ADGRL3: variants seen among roughly 807,000 people sequenced by gnomAD.
ADGRL3 encodes calcium-independent alpha-latrotoxin receptor 3.
Under a neutral mutation model 153.5 loss-of-function variants are expected in ADGRL3, and 62 were observed. The observed-to-expected ratio is 0.40, with a 90% CI of 0.33 to 0.50. The LOEUF is 0.50. Ranked by LOEUF, ADGRL3 falls within the 20% of genes least tolerant of loss-of-function variation. The pLI, the probability that ADGRL3 is intolerant of heterozygous loss-of-function variation, is 0.47. For missense variants in ADGRL3, 1,641 were observed against 1,859.4 expected (o/e 0.88, Z 2.16); for synonymous variants, 710 against 672.5 (o/e 1.06, Z -0.86).
intron 8 of ADGRL3, among the ~76,000 whole-genome samples, chr4:61,752,624 C>T (rs574388992): frequency 2.0e-5 from 3 of 152,094 alleles, no homozygotes; most frequent in Non-Finnish European, 4.4e-5. Flanking sequence ...AGTGGTTTCT[C>T]TTGAGGTTAT....
Position 61,903,650 on chromosome 4 carries a change from C to CAAAAAAA in ADGRL3, c.1888-5883_1888-5877dup, listed in dbSNP as rs55879235. On this transcript the variant is annotated intron_variant, in intron 11 of 26. Transcript: ENST00000683033. ...TGCTGCACTCCAGCTTGGGAAACAG[C>CAAAAAAA]AAAAAAAAAAAAAAAAAAAAAAAAA... Among the ~76,000 whole-genome samples the CAAAAAAA allele has an allele frequency of 9.1e-3, 661 of 72,354 alleles. 55 individuals carry two copies. The highest frequency in any genetic ancestry group is 0.031 in the Middle Eastern group (2 of 64). The allele number at this position is 72,354 out of a possible 152,430, so 47.5% of individuals were successfully genotyped here.
intron 3 of ADGRL3, among the ~76,000 whole-genome samples, chr4:61,502,881 A>G (rs903490498): frequency 1.3e-5 from 2 of 152,204 alleles, no homozygotes; most frequent in Admixed American, 6.5e-5. Flanking sequence ...ATTTTTAGAA[A>G]TTAATCATCC....
At chr4:61,637,237 G>T (rs1471470888) in intron 5 of ADGRL3, among the ~76,000 whole-genome samples, 1 of 152,054 alleles carries the variant, frequency 6.6e-6, no homozygotes, top group East Asian at 1.9e-4. Flanking sequence ...AATATGACTT[G>T]TGTCCTTTTA....
intron 5 of ADGRL3, among the ~76,000 whole-genome samples, chr4:61,643,024 C>T (rs2093764186): frequency 6.6e-6 from 1 of 152,022 alleles, no homozygotes; most frequent in African/African-American, 2.4e-5. Context: ...AGTTGGATTC[C>T]TAGGTATTTT....
intron 3 of ADGRL3, among the ~76,000 whole-genome samples, chr4:61,501,209 A>G (rs1241780465): frequency 1.3e-5 from 2 of 152,212 alleles, no homozygotes; most frequent in Non-Finnish European, 2.9e-5. Flanking sequence ...TGCTAGATGT[A>G]CTAAAGACAG....
At chr4:61,867,463 G>A (rs2098407491) in intron 9 of ADGRL3, among the ~76,000 whole-genome samples, 1 of 145,372 alleles carries the variant, frequency 6.9e-6, no homozygotes, top group African/African-American at 2.5e-5. Flanking sequence ...TGGTGCCGCT[G>A]CACTCCAGCC....
Position 61,447,484 on chromosome 4 carries a change from G to A in ADGRL3, c.-173-49637G>A, listed in dbSNP as rs145843574. On this transcript the variant is annotated intron_variant, in intron 2 of 26. Coordinates refer to ENST00000683033, the MANE Select transcript of ADGRL3 (RefSeq NM_001387552.1). ...GTGATTGATATGATCGAGAGTTGAC[G>A]AATTATGAAAACATGATACTTATGG... 8.4e-4 allele frequency among the ~76,000 whole-genome samples: 128 copies of A among 152,210 alleles called. 1 individual carries two copies. Among genetic ancestry groups the A allele is most frequent in the African/African-American group, 3.0e-3 (124 of 41,534 alleles).
At chr4:61,410,328 A>ATTTTATATTTG (rs2097069876) in intron 2 of ADGRL3, among the ~76,000 whole-genome samples, 2 of 152,090 alleles carry the variant, frequency 1.3e-5, no homozygotes, top group Non-Finnish European at 2.9e-5. Flanking sequence ...TAAACATTGT[A>ATTTTATATTTG]CCTTTTATCA....
At chr4:61,687,491 G>A (rs536218555) in intron 6 of ADGRL3, among the ~76,000 whole-genome samples, 1 of 152,044 alleles carries the variant, frequency 6.6e-6, no homozygotes, top group African/African-American at 2.4e-5. Flanking sequence ...AAAGATTATT[G>A]TATATTTCTA....
chr4:61,511,523 T>C (rs1456880), intron 3 of ADGRL3, among the ~76,000 whole-genome samples: 2 of 152,236 alleles, frequency 1.3e-5, no homozygotes, highest in Non-Finnish European at 2.9e-5. Context: ...ATTATTTGAT[T>C]ACTTCTTTTC....
At chr4:61,979,852 G>A in intron 18 of ADGRL3, 80 bp downstream of exon 18, 1 of 1,162,494 alleles carries the variant, frequency 8.6e-7, no homozygotes, top group Non-Finnish European at 1.3e-6. Context: ...AAATACTTAT[G>A]TTTGAAAGTA....
chr4:61,283,252 C>T lies in ADGRL3; in HGVS notation c.-240+81487C>T, dbSNP rs1199648550. Among the ~76,000 whole-genome samples the T allele has an allele frequency of 3.3e-5, 5 of 152,078 alleles. No homozygotes were observed. The East Asian group carries it at 5.8e-4, about 18-fold the overall frequency. On this transcript the variant is annotated intron_variant, in intron 1 of 26. Coordinates refer to ENST00000683033, the MANE Select transcript of ADGRL3 (RefSeq NM_001387552.1). ...TCTGTTCCCTTTGTGTTCATATTTT[C>T]TCTTCAAGTAACAAATGTTTAACTC... is the stretch of plus-strand genomic sequence containing the variant.
chr4:61,932,942 G>C (rs1325411503), intron 13 of ADGRL3, among the ~76,000 whole-genome samples: 1 of 151,654 alleles, frequency 6.6e-6, no homozygotes, highest in African/African-American at 2.4e-5. Context: ...GTTGACCATA[G>C]TTGTTTCTTT....
rs542347760 is a variant in ADGRL3, at chr4:62,019,803, A to G, written c.3396-9052A>G. On this transcript the variant is annotated intron_variant, in intron 21 of 26. Coordinates refer to ENST00000683033, the MANE Select transcript of ADGRL3 (RefSeq NM_001387552.1). ...CTGTTCCATATAAATGATAAATTCA[A>G]TAATTCAGAGTATACTTCAAAAGCT... Among the ~76,000 whole-genome samples, 8 of 152,288 alleles carry G rather than the reference A, an allele frequency of 5.3e-5. No individual in the cohort carries two copies. In the East Asian group the frequency reaches 9.7e-4, roughly 18 times the overall value.
At chr4:61,274,849 G>C (rs1486018834) in intron 1 of ADGRL3, among the ~76,000 whole-genome samples, 1 of 152,014 alleles carries the variant, frequency 6.6e-6, no homozygotes, top group Non-Finnish European at 1.5e-5. Context: ...TGGGAGGATG[G>C]AGCCCAGAAG....
At chr4:61,359,163 T>G (rs2096244451) in intron 1 of ADGRL3, among the ~76,000 whole-genome samples, 1 of 152,226 alleles carries the variant, frequency 6.6e-6, no homozygotes, top group South Asian at 2.1e-4. Flanking sequence ...TACCTCTCAC[T>G]GCTTATGCTG....
At chr4:62,024,316 G>A (rs967786051) in intron 21 of ADGRL3, among the ~76,000 whole-genome samples, 1 of 152,016 alleles carries the variant, frequency 6.6e-6, no homozygotes, top group African/African-American at 2.4e-5. Flanking sequence ...GGATCATTGA[G>A]TCATAGGGAT....
At chr4:61,986,111 A>C (rs182600285) in intron 19 of ADGRL3, among the ~76,000 whole-genome samples, 367 of 152,022 alleles carry the variant, frequency 2.4e-3, no homozygotes, top group Non-Finnish European at 2.5e-3. Context: ...CTATTGTCTA[A>C]TTTTAGAATA....
At chr4:61,257,836 GGT>G (rs10635406) in intron 1 of ADGRL3, among the ~76,000 whole-genome samples, 20,209 of 150,522 alleles carry the variant, frequency 0.13, 1,432 homozygotes, top group Middle Eastern at 0.18. Context: ...TTGAATTAGA[GGT>G]GTGTGTGTGT....
Sources: gnomAD v4.1 joint callset for allele counts (sites outside exome capture counted in the v4.1 genomes callset) on GRCh38, gnomAD v4.1.1 for gene constraint, MANE v1.5 for transcripts, NCBI Gene and HGNC (gene_info 2026-07-23, HGNC 2026-07-21) for gene names.